The following RIMS1 variants were observed in gnomAD, a reference collection of about 807,000 sequenced individuals.
RIMS1 encodes regulating synaptic membrane exocytosis 1.
Under a neutral mutation model 214.1 loss-of-function variants are expected in RIMS1, and 83 were observed. That is an observed-to-expected ratio of 0.39 (90% CI 0.32 to 0.47). RIMS1 has a LOEUF of 0.47. Ranked by LOEUF, RIMS1 falls within the 20% of genes least tolerant of loss-of-function variation. The pLI, the probability that RIMS1 is intolerant of heterozygous loss-of-function variation, is 0.99. For missense variants in RIMS1, 2,050 were observed against 2,161.8 expected (o/e 0.95, Z 1.03); for synonymous variants, 793 against 786.8 (o/e 1.01, Z -0.13).
intron 4 of RIMS1, among the ~76,000 whole-genome samples, chr6:72,158,698 T>TG (rs2044813410): frequency 7.2e-6 from 1 of 138,722 alleles, no homozygotes; most frequent in Non-Finnish European, 1.6e-5. Flanking sequence ...CTGAGAATGA[T>TG]GGTTTCCAGC....
intron 1 of RIMS1, among the ~76,000 whole-genome samples, chr6:71,936,344 A>G (rs1205663700): frequency 6.6e-6 from 1 of 150,470 alleles, no homozygotes; most frequent in African/African-American, 2.4e-5. Flanking sequence ...AAAAAAAAAA[A>G]AAAAAAAAGA....
chr6:72,396,350 A>G (rs1451029864), intron 31 of RIMS1, among the ~76,000 whole-genome samples: 2 of 152,186 alleles, frequency 1.3e-5, no homozygotes, highest in Non-Finnish European at 2.9e-5. Context: ...TTTTAATATA[A>G]GTAGCAAAGA....
chr6:71,992,895 C>T (rs1386059501), intron 2 of RIMS1, among the ~76,000 whole-genome samples: 1 of 152,076 alleles, frequency 6.6e-6, no homozygotes. Context: ...TCCTAGGCTC[C>T]AGCACTCCAC....
At chr6:72,164,159 C>T (rs543714107) in intron 4 of RIMS1, among the ~76,000 whole-genome samples, 15 of 152,278 alleles carry the variant, frequency 9.9e-5, no homozygotes, top group South Asian at 4.1e-4. Flanking sequence ...TAGCAATGAG[C>T]GAGACTCCGT....
intron 2 of RIMS1, among the ~76,000 whole-genome samples, chr6:71,987,040 C>T (rs1268576533): frequency 1.3e-5 from 2 of 152,162 alleles, no homozygotes; most frequent in African/African-American, 4.8e-5. Flanking sequence ...ATTTACATGA[C>T]ATACAGAAGA....
At chr6:72,071,974 G>C (rs1015048629) in intron 2 of RIMS1, among the ~76,000 whole-genome samples, 2 of 152,068 alleles carry the variant, frequency 1.3e-5, no homozygotes, top group Non-Finnish European at 2.9e-5. Flanking sequence ...AAGCCAAAAG[G>C]GTAATGCCAG....
rs774599192 is a variant in RIMS1 at position 72,401,256 on chromosome 6, A to C, written c.*542A>C. The stretch of plus-strand genomic sequence containing the variant: ...TGGCTGTGTCATGACAGGCCTCATG[A>C]TGCTAACAGAGATTCTTCCCTTCTT... On this transcript the variant is annotated 3_prime_UTR_variant, in exon 34 of 34. Transcript: ENST00000521978. The C allele has an allele frequency of 6.5e-6, 1 of 152,810 alleles. No homozygotes were observed. The highest frequency in any genetic ancestry group is 1.5e-5 in the Non-Finnish European group (1 of 68,330). 9.5% of individuals were successfully genotyped at this position (152,810 alleles called of 1,614,324 possible).
chr6:72,400,810 C>A lies in RIMS1; in HGVS notation c.*96C>A. 1 of 1,005,142 alleles carries A rather than the reference C, an allele frequency of 9.9e-7. No homozygotes were observed. The highest frequency in any genetic ancestry group is 1.5e-6 in the Non-Finnish European group (1 of 675,802). 62.3% of individuals were successfully genotyped at this position (1,005,142 alleles called of 1,614,324 possible). On this transcript the variant is annotated 3_prime_UTR_variant, in exon 34 of 34. Coordinates refer to ENST00000521978, the MANE Select transcript of RIMS1 (RefSeq NM_014989.7). ...GATCGAAAGCATTGTTGGAGACAGA[C>A]AATCAACTTGTGTTTTGCCTGTAGT...
intron 1 of RIMS1, among the ~76,000 whole-genome samples, chr6:71,920,424 T>C (rs1234181969): frequency 3.9e-5 from 6 of 152,210 alleles, no homozygotes; most frequent in Non-Finnish European, 7.3e-5. Flanking sequence ...TTACTATCTT[T>C]ATAACTTTTT....
In RIMS1 at chr6:72,333,977, C is replaced by G. The variant is rs542764270; in HGVS notation, c.4366+142C>G. On this transcript the variant is annotated intron_variant, in intron 29 of 33. Transcript: ENST00000521978. ...AATTTATTTTTCTGTCTCTGAAAAT[C>G]TGCTAAATTTATGGGTTTATTTTTT... 2.3e-4 allele frequency: 152 copies of G among 657,820 alleles called. 1 individual carries two copies. The South Asian group carries it at 2.9e-3, about 13-fold the overall frequency. 40.7% of individuals were successfully genotyped at this position (657,820 alleles called of 1,614,324 possible).
intron 24 of RIMS1, among the ~76,000 whole-genome samples, chr6:72,286,197 CA>C (rs149079911): frequency 0.047 from 5,142 of 110,300 alleles, 200 homozygotes; most frequent in African/African-American, 0.13. Context: ...AACTCCATCT[CA>C]AAAAAAAAAA....
At chr6:72,352,287 C>G (rs571723193) in intron 29 of RIMS1, among the ~76,000 whole-genome samples, 1 of 152,272 alleles carries the variant, frequency 6.6e-6, no homozygotes, top group East Asian at 1.9e-4. Context: ...CTGGGTTTAT[C>G]AGGTACATAC....
chr6:72,320,032 G>A (rs1410980843), intron 28 of RIMS1, among the ~76,000 whole-genome samples: 1 of 152,054 alleles, frequency 6.6e-6, no homozygotes, highest in East Asian at 1.9e-4. Context: ...CTGAGAGACG[G>A]CTAACACATA....
intron 6 of RIMS1, among the ~76,000 whole-genome samples, chr6:72,230,973 AG>A (rs1314228136): frequency 1.3e-5 from 2 of 151,556 alleles, no homozygotes; most frequent in Non-Finnish European, 3.0e-5. Flanking sequence ...GTGAGGACCA[AG>A]GTGCTTTTGT....
Position 71,893,105 on chromosome 6 carries a change from T to C in RIMS1, c.164+5918T>C, listed in dbSNP as rs145891246. 1.2e-3 allele frequency among the ~76,000 whole-genome samples: 176 copies of C among 152,328 alleles called. 1 individual carries two copies. Among genetic ancestry groups the C allele is most frequent in the Middle Eastern group, 3.4e-3 (1 of 294 alleles). ...CATTATTATGCTTATTTGTTAAAAC[T>C]GTAGAACACCAAGATTATATTTTCC... On this transcript the variant is annotated intron_variant, in intron 1 of 33. Coordinates refer to ENST00000521978, the MANE Select transcript of RIMS1 (RefSeq NM_014989.7).
At chr6:72,238,164 C>A (rs2065091231) in intron 9 of RIMS1, among the ~76,000 whole-genome samples, 1 of 151,840 alleles carries the variant, frequency 6.6e-6, no homozygotes, top group Non-Finnish European at 1.5e-5. Flanking sequence ...GGGTAGGAAT[C>A]TTCTTTTTAT....
intron 4 of RIMS1, among the ~76,000 whole-genome samples, chr6:72,124,881 A>G (rs960023545): frequency 1.3e-5 from 2 of 152,148 alleles, no homozygotes; most frequent in African/African-American, 4.8e-5. Flanking sequence ...CATTCATCTA[A>G]TCTTTTTTCA....
intron 6 of RIMS1, among the ~76,000 whole-genome samples, chr6:72,191,533 A>G (rs553376979): frequency 5.3e-4 from 80 of 152,378 alleles, no homozygotes; most frequent in African/African-American, 1.6e-3. Context: ...GGGAAAAGCA[A>G]TCAAGCTCTC....
intron 29 of RIMS1, among the ~76,000 whole-genome samples, chr6:72,384,816 A>G (rs999233164): frequency 1.3e-5 from 2 of 152,008 alleles, no homozygotes; most frequent in African/African-American, 4.8e-5. Context: ...CTATCTTATT[A>G]CTGTTGTATC....
Sources: gnomAD v4.1 joint callset for allele counts (sites outside exome capture counted in the v4.1 genomes callset) on GRCh38, gnomAD v4.1.1 for gene constraint, MANE v1.5 for transcripts, NCBI Gene and HGNC (gene_info 2026-07-23, HGNC 2026-07-21) for gene names.